Variants in ZNF709 observed in about 807,000 individuals in gnomAD.
ZNF709 encodes zinc finger protein 709.
Under a neutral mutation model 10.6 loss-of-function variants are expected in ZNF709, and 15 were observed. That is an observed-to-expected ratio of 1.41 (90% CI 0.95 to 2.18). The LOEUF (loss-of-function observed/expected upper bound fraction) is 2.18. ZNF709 is among the 30% of genes most tolerant of loss of function. The probability of loss-of-function intolerance (pLI) is 0.00; values close to 1 mark genes in which losing one functional copy is unlikely to be tolerated. For synonymous variants in ZNF709, 194 were observed against 238.8 expected (o/e 0.81, Z 1.73); for missense variants, 589 against 774.0 (o/e 0.76, Z 2.84).
At position 12,475,189 on chromosome 19, in the gene ZNF709, C is replaced by A. The variant is rs563352021; in HGVS notation, c.4-8339G>T. On this transcript the variant is annotated intron_variant, in intron 1 of 3. Coordinates refer to ENST00000397732, the MANE Select transcript of ZNF709 (RefSeq NM_152601.4). ...AGAAGAATCGCTTGAACCCAGGATG[C>A]GGAGGTTGCAGTGAGCCAAGATCGC... Among the ~76,000 whole-genome samples, 63 of 134,578 alleles carry A rather than the reference C, an allele frequency of 4.7e-4. 1 individual carries two copies. Among genetic ancestry groups the A allele is most frequent in the African/African-American group, 1.7e-3 (62 of 36,548 alleles). The allele number at this position is 134,578 out of a possible 152,430, so 88.3% of individuals were successfully genotyped here.
chr19:12,482,895 G>A (rs1005369738), intron 1 of ZNF709, among the ~76,000 whole-genome samples: 1 of 152,082 alleles, frequency 6.6e-6, no homozygotes, highest in Non-Finnish European at 1.5e-5. Flanking sequence ...TCACTGACCT[G>A]AGTCCTCTTT....
intron 1 of ZNF709, among the ~76,000 whole-genome samples, chr19:12,473,101 C>G (rs1442135509): frequency 6.6e-6 from 1 of 152,136 alleles, no homozygotes; most frequent in Non-Finnish European, 1.5e-5. Flanking sequence ...TGAACTTGAC[C>G]ATAATCTATA....
chr19:12,464,421 C>T lies in ZNF709; in HGVS notation c.1501G>A (p.Glu501Lys). The T allele has an allele frequency of 1.2e-6, 2 of 1,613,086 alleles. No individual in the cohort carries two copies. Among genetic ancestry groups the T allele is most frequent in the Non-Finnish European group, 1.7e-6 (2 of 1,179,522 alleles). Residue 501 changes from glutamate to lysine, a missense_variant, in exon 4 of 4, where the codon GAG becomes AAG. Coordinates refer to ENST00000397732, the MANE Select transcript of ZNF709 (RefSeq NM_152601.4). ...CATTGTTTACATTCATAGGGTTTCTCTCCAGTGTGAGTCCTTTCATGCATC... is the reference window on the plus strand; with the variant it reads ...CATTGTTTACATTCATAGGGTTTCTTTCCAGTGTGAGTCCTTTCATGCATC... ...FRMHERTHTG[E>K]KPYECKQCGK...
Position 12,465,947 on chromosome 19 carries a change from T to C in ZNF709, c.189-214A>G, listed in dbSNP as rs537467451. Among the ~76,000 whole-genome samples the C allele has an allele frequency of 1.5e-4, 22 of 151,452 alleles. No homozygotes were observed. The East Asian group carries it at 4.2e-3, about 29-fold the overall frequency. ...CATCACATAGAGTTTATTTCTTTTTTTTTTTTTTTTTGAGACAGAGTCTTA... is the reference window on the plus strand; with the variant it reads ...CATCACATAGAGTTTATTTCTTTTTCTTTTTTTTTTTGAGACAGAGTCTTA... On this transcript the variant is annotated intron_variant, in intron 3 of 3. Transcript: ENST00000397732.
rs1970533066 is a variant in ZNF709 at position 12,463,417 on chromosome 19, C to A, written c.*579G>T. ...CTTTACATTTTTAAGGTTATAAATT[C>A]TTTACATTTATAGGGCATATGAAAA... On this transcript the variant is annotated 3_prime_UTR_variant, in exon 4 of 4. Coordinates refer to ENST00000397732, the MANE Select transcript of ZNF709 (RefSeq NM_152601.4). 6.6e-6 allele frequency: 1 copy of A among 152,068 alleles called. No homozygotes were observed. Among genetic ancestry groups the A allele is most frequent in the African/African-American group, 2.4e-5 (1 of 41,406 alleles). 9.4% of individuals were successfully genotyped at this position (152,068 alleles called of 1,614,324 possible).
intron 1 of ZNF709, among the ~76,000 whole-genome samples, chr19:12,467,753 G>GC (rs1970589573): frequency 6.8e-6 from 1 of 148,090 alleles, no homozygotes; most frequent in Non-Finnish European, 1.5e-5. Context: ...CTGCCCCGCC[G>GC]CCCCGTCTGG....
chr19:12,480,436 C>T (rs932721676), intron 1 of ZNF709, among the ~76,000 whole-genome samples: 4 of 152,144 alleles, frequency 2.6e-5, no homozygotes, highest in African/African-American at 9.7e-5. Context: ...GTAATCCCAG[C>T]ACTTTGGGAG....
chr19:12,469,843 T>C (rs1970620383), intron 1 of ZNF709, among the ~76,000 whole-genome samples: 1 of 151,960 alleles, frequency 6.6e-6, no homozygotes, highest in African/African-American at 2.4e-5. Context: ...TTAGCACACA[T>C]AGGATGGAGA....
chr19:12,481,132 C>T, intron 1 of ZNF709: 1 of 982,112 alleles, frequency 1.0e-6, no homozygotes, highest in Admixed American at 6.2e-5. Flanking sequence ...AAAAACCGAT[C>T]TAAAAATGAA....
intron 1 of ZNF709, among the ~76,000 whole-genome samples, chr19:12,474,012 C>CTCCA (rs1970656912): frequency 6.6e-6 from 1 of 152,206 alleles, no homozygotes; most frequent in Admixed American, 6.5e-5. Flanking sequence ...TGCCATTGCA[C>CTCCA]TCCAGCCTGG....
At chr19:12,468,879 C>T (rs893660760) in intron 1 of ZNF709, among the ~76,000 whole-genome samples, 4 of 151,714 alleles carry the variant, frequency 2.6e-5, no homozygotes, top group South Asian at 2.1e-4. Flanking sequence ...CTTGCTCTGA[C>T]GCCCAGGCTA....
intron 1 of ZNF709, among the ~76,000 whole-genome samples, chr19:12,483,481 T>A (rs898841568): frequency 6.6e-6 from 1 of 151,960 alleles, no homozygotes; most frequent in South Asian, 2.1e-4. Flanking sequence ...CTGAAACCCA[T>A]CTCTTTCTTG....
At chr19:12,474,944 T>C (rs1970663860) in intron 1 of ZNF709, among the ~76,000 whole-genome samples, 1 of 152,044 alleles carries the variant, frequency 6.6e-6, no homozygotes, top group Non-Finnish European at 1.5e-5. Flanking sequence ...ACTTGTAAAA[T>C]GGACACTGAA....
In ZNF709 at chr19:12,465,139, G is replaced by A. The variant is rs200865724; in HGVS notation, c.783C>T (p.Phe261=). 4 of 1,611,914 alleles carry A rather than the reference G, an allele frequency of 2.5e-6. No homozygotes were observed. Among genetic ancestry groups the A allele is most frequent in the African/African-American group, 1.3e-5 (1 of 74,822 alleles). ...GTATTTGAAAAGTTTGGTAATATCTGAAAGCTTTTCCACATTGTTTACATT... is the reference window on the plus strand; with the variant it reads ...GTATTTGAAAAGTTTGGTAATATCTAAAAGCTTTTCCACATTGTTTACATT... ...PYECKQCGKA[F]RYYQTFQIHE... Residue 261 remains phenylalanine, a synonymous_variant, in exon 4 of 4, where the codon TTC becomes TTT. Coordinates refer to ENST00000397732, the MANE Select transcript of ZNF709 (RefSeq NM_152601.4).
chr19:12,470,724 G>A (rs1229794927), intron 1 of ZNF709, among the ~76,000 whole-genome samples: 1 of 151,948 alleles, frequency 6.6e-6, no homozygotes, highest in African/African-American at 2.4e-5. Flanking sequence ...TCAGGAGATC[G>A]AGACCATCCT....
In ZNF709 at chr19:12,465,421, G is replaced by C; in HGVS notation, c.501C>G (p.Pro167=). 3.7e-6 allele frequency: 6 copies of C among 1,613,498 alleles called. No individual in the cohort carries two copies. Among genetic ancestry groups the C allele is most frequent in the Non-Finnish European group, 5.1e-6 (6 of 1,179,798 alleles). The change falls in exon 4 of 4, where the codon CCC becomes CCG. Residue 167 remains proline (P), a synonymous_variant. Transcript: ENST00000397732. ...IHERTHTGEK[P]YKCKQCGKAF... ...CCTTACCACACTGTTTACATTTATA[G>C]GGTTTCTCTCCAGTGTGAGTTCTTT... is the stretch of plus-strand genomic sequence containing the variant.
Position 12,465,263 on chromosome 19 carries a change from CCT to C in ZNF709, c.657_658del (p.Lys222ThrfsTer3), listed in dbSNP as rs1383766851. 7.4e-6 allele frequency: 12 copies of C among 1,613,070 alleles called. No individual in the cohort carries two copies. The highest frequency in any genetic ancestry group is 2.2e-5 in the East Asian group (1 of 44,834). Reference sequence around the variant, plus strand: ...TTCTTTACATTTATAGGGTTTCTCCCCTGTGTGCATTCTCATGTGTCCTCGAA... The same window carrying C: ...TTCTTTACATTTATAGGGTTTCTCCCGTGTGCATTCTCATGTGTCCTCGAA... On this transcript the variant is annotated frameshift_variant, in exon 4 of 4. Transcript: ENST00000397732. LOFTEE classifies it low-confidence loss of function (END_TRUNC).
intron 1 of ZNF709, among the ~76,000 whole-genome samples, chr19:12,482,369 G>C (rs963385309): frequency 6.6e-6 from 1 of 152,100 alleles, no homozygotes; most frequent in Admixed American, 6.6e-5. Flanking sequence ...TGGTGACAGA[G>C]GGCAGGGGCA....
At position 12,465,590 on chromosome 19, in the gene ZNF709, T is replaced by C. The variant is rs188565094; in HGVS notation, c.332A>G (p.Tyr111Cys). The C allele has an allele frequency of 1.5e-5, 24 of 1,614,006 alleles. 1 individual carries two copies. In the Admixed American group the frequency reaches 2.7e-4, roughly 18 times the overall value. The change falls in exon 4 of 4, where the codon TAT becomes TGT. Residue 111 changes from tyrosine (Y) to cysteine (C), a missense_variant. Tyr to Cys is a radical substitution (Grantham distance 194). This residue lies in a region of ZNF709 where 418 missense variants were observed against 496.3 expected (regional missense o/e 0.84). Transcript: ENST00000397732. ...PYECSVCGKD[Y>C]MCHSSLNRHM... Reference sequence around the variant, plus strand: ...CCTATTAAGAGATGAATGACACATATAGTCCTTTCCACACACACTACATTC... The same window carrying C: ...CCTATTAAGAGATGAATGACACATACAGTCCTTTCCACACACACTACATTC...
Sources: allele counts gnomAD v4.1 joint callset (sites outside exome capture counted in the v4.1 genomes callset), GRCh38; gene constraint gnomAD v4.1.1; regional missense constraint gnomAD v4.1.1; transcripts MANE v1.5; gene names NCBI Gene and HGNC (gene_info 2026-07-23, HGNC 2026-07-21).